The following NFASC variants were observed in gnomAD, a reference collection of about 807,000 sequenced individuals.
NFASC encodes the protein neurofascin, also known as neurofascin homolog.
In NFASC, 43 loss-of-function variants were observed where a neutral mutation model predicts 147.5. That is an observed-to-expected ratio of 0.29 (90% CI 0.23 to 0.38). The LOEUF (loss-of-function observed/expected upper bound fraction) is 0.38. NFASC is among the 10% of genes least tolerant of loss of function. NFASC has a pLI of 1.00. For synonymous variants in NFASC, 622 were observed against 665.5 expected (o/e 0.93, Z 1.01); for missense variants, 1,320 against 1,689.0 (o/e 0.78, Z 3.83).
chr1:204,861,105 T>TTG (rs2076627670), intron 1 of NFASC, among the ~76,000 whole-genome samples: 1 of 136,288 alleles, frequency 7.3e-6, no homozygotes, highest in Admixed American at 7.5e-5. Context: ...TTTTTTTTTT[T>TTG]GGAGACAAGA....
At chr1:204,974,993 A>G (rs1428814991) in intron 14 of NFASC, among the ~76,000 whole-genome samples, 170 bp downstream of exon 14, 2 of 152,192 alleles carry the variant, frequency 1.3e-5, no homozygotes, top group East Asian at 1.9e-4. Context: ...TGGTCCAAAG[A>G]GAATTAGGAA....
At chr1:204,991,836 C>T (rs1000646678) in intron 24 of NFASC, among the ~76,000 whole-genome samples, 2 of 152,244 alleles carry the variant, frequency 1.3e-5, no homozygotes, top group Non-Finnish European at 1.5e-5. Context: ...GGGCTCTGCT[C>T]AGTGAGAACA....
intron 1 of NFASC, among the ~76,000 whole-genome samples, chr1:204,897,740 AT>A (rs532197893): frequency 3.3e-4 from 48 of 144,718 alleles, no homozygotes; most frequent in Admixed American, 6.8e-4. Context: ...TGCTCAGCTA[AT>A]TTTTTTTTGG....
chr1:204,843,507 A>G (rs1675963463), intron 1 of NFASC, among the ~76,000 whole-genome samples: 1 of 151,658 alleles, frequency 6.6e-6, no homozygotes, highest in Admixed American at 6.6e-5. Context: ...TTTTTGCTCC[A>G]AATCATTTGT....
At chr1:204,969,939 G>A (rs569433036) in intron 10 of NFASC, among the ~76,000 whole-genome samples, 62 of 152,188 alleles carry the variant, frequency 4.1e-4, no homozygotes, top group African/African-American at 1.5e-3. Flanking sequence ...AGCTGGGCGT[G>A]GTGGGACATG....
At position 204,954,423 on chromosome 1, in the gene NFASC, G is replaced by A. The variant is rs1345223458; in HGVS notation, c.412+39G>A. On this transcript the variant is annotated intron_variant, in intron 6 of 29. Coordinates refer to ENST00000339876, the MANE Select transcript of NFASC (RefSeq NM_001005388.3). The surrounding 1 kb of genome is among the most constrained non-coding windows in gnomAD (Gnocchi z 5.7). ...GGCAGGGCTGAAATGCCCTGCTCCT[G>A]GGTAAATGGAGAGTGGGGGGTGTGG... is the stretch of plus-strand genomic sequence containing the variant. 1 of 1,588,410 alleles carries A rather than the reference G, an allele frequency of 6.3e-7. No individual in the cohort carries two copies. The highest frequency in any genetic ancestry group is 8.6e-7 in the Non-Finnish European group (1 of 1,162,464).
Position 204,935,521 on chromosome 1 carries a change from A to G in NFASC, c.-90-8705A>G, listed in dbSNP as rs1260931176. Among the ~76,000 whole-genome samples the G allele has an allele frequency of 4.6e-5, 7 of 152,314 alleles. No individual in the cohort carries two copies. The East Asian group carries it at 1.3e-3, about 29-fold the overall frequency. ...AGCTTTCCTGGTCAGTTCTGAGTAG[A>G]AAGTGGCAGCAAGAAATAGGGGAGC... is the stretch of plus-strand genomic sequence containing the variant. On this transcript the variant is annotated intron_variant, in intron 2 of 29. Coordinates refer to ENST00000339876, the MANE Select transcript of NFASC (RefSeq NM_001005388.3).
chr1:204,985,043 T>C (rs1189411206), intron 21 of NFASC, among the ~76,000 whole-genome samples: 1 of 152,200 alleles, frequency 6.6e-6, no homozygotes, highest in Non-Finnish European at 1.5e-5. Context: ...TTGAATGAGC[T>C]CTTCCCCACA....
rs534770924 is a variant in NFASC at position 204,973,484 on chromosome 1, T to C, written c.1279+65T>C. 2.5e-6 allele frequency: 4 copies of C among 1,581,876 alleles called. No homozygotes were observed. In the South Asian group the frequency reaches 4.6e-5, roughly 18 times the overall value. ...ACTACTGCACAGTCGCCCTGGGGCT[T>C]GGTTATGTCGTGGGGCACACTTTCT... On this transcript the variant is annotated intron_variant, in intron 12 of 29. Transcript: ENST00000339876.
rs1188931626 is a variant in NFASC, at chr1:205,021,301, A to T, written c.*4762A>T. On this transcript the variant is annotated 3_prime_UTR_variant, in exon 30 of 30. Transcript: ENST00000339876. ...CTTCCTGAGACACATTCAGAGAAGG[A>T]TCAGAGAGAAAGGAGAACCATCCAG... 1 of 152,616 alleles carries T rather than the reference A, an allele frequency of 6.6e-6. No homozygotes were observed. The highest frequency in any genetic ancestry group is 1.5e-5 in the Non-Finnish European group (1 of 68,046). The allele number at this position is 152,616 out of a possible 1,614,324, so 9.5% of individuals were successfully genotyped here. A position where few individuals can be genotyped will look rare whatever the true frequency, so the allele number is the denominator to read the frequency against.
chr1:204,914,198 A>G (rs1280708638), intron 1 of NFASC, among the ~76,000 whole-genome samples: 1 of 152,208 alleles, frequency 6.6e-6, no homozygotes, highest in Non-Finnish European at 1.5e-5. Flanking sequence ...ATGGGCAAAT[A>G]ATAGGAATAT....
intron 1 of NFASC, among the ~76,000 whole-genome samples, chr1:204,875,735 T>C: frequency 6.6e-6 from 1 of 152,132 alleles, no homozygotes; most frequent in South Asian, 2.1e-4. Flanking sequence ...AGTGACATGG[T>C]AATGGCCCTA....
intron 17 of NFASC, among the ~76,000 whole-genome samples, chr1:204,978,043 T>C (rs547853114): frequency 6.6e-6 from 1 of 152,240 alleles, no homozygotes; most frequent in Non-Finnish European, 1.5e-5. Context: ...TTGCAGGGAA[T>C]GCGAAAGCCT....
chr1:204,996,292 G>A lies in NFASC; in HGVS notation c.2783-878G>A, dbSNP rs74363633. ...TATGCAGAAAAGAAGCCCAGCATGC[G>A]CCTCACTCTGCCTGGGACTCCTCTG... On this transcript the variant is annotated intron_variant, in intron 24 of 29. Coordinates refer to ENST00000339876, the MANE Select transcript of NFASC (RefSeq NM_001005388.3). Among the ~76,000 whole-genome samples, 1,038 of 152,228 alleles carry A rather than the reference G, an allele frequency of 6.8e-3. 12 individuals are homozygous for A. Among genetic ancestry groups the A allele is most frequent in the African/African-American group, 0.023 (967 of 41,520 alleles).
At chr1:204,852,712 T>G (rs2075802319) in intron 1 of NFASC, among the ~76,000 whole-genome samples, 1 of 152,146 alleles carries the variant, frequency 6.6e-6, no homozygotes, top group South Asian at 2.1e-4. Flanking sequence ...CCAGCTGAGT[T>G]TTCTTTGGCA....
chr1:204,858,522 G>T (rs113113154), intron 1 of NFASC, among the ~76,000 whole-genome samples: 11 of 152,152 alleles, frequency 7.2e-5, no homozygotes, highest in African/African-American at 2.7e-4. Context: ...TGGGGACTTC[G>T]GGGAGGTGGG....
chr1:204,980,516 C>T, intron 20 of NFASC, 76 bp downstream of exon 20: 8 of 1,090,812 alleles, frequency 7.3e-6, no homozygotes, highest in Non-Finnish European at 1.1e-5. Flanking sequence ...CTTGATGCCC[C>T]GACACTACGA....
At chr1:204,881,485 T>C (rs1005347970) in intron 1 of NFASC, among the ~76,000 whole-genome samples, 5 of 152,206 alleles carry the variant, frequency 3.3e-5, no homozygotes, top group African/African-American at 1.2e-4. Flanking sequence ...TGGAGCTCAT[T>C]TCTGGGTTGG....
intron 2 of NFASC, among the ~76,000 whole-genome samples, chr1:204,927,496 G>T (rs1049401323): frequency 6.6e-6 from 1 of 152,118 alleles, no homozygotes; most frequent in African/African-American, 2.4e-5. Flanking sequence ...GTCTGTGTTT[G>T]ACCTTTTGAA....
Sources: gnomAD v4.1 joint callset for allele counts (sites outside exome capture counted in the v4.1 genomes callset) on GRCh38, gnomAD v4.1.1 for gene constraint, Gnocchi (gnomAD v3.1) non-coding constraint, MANE v1.5 for transcripts, NCBI Gene and HGNC (gene_info 2026-07-23, HGNC 2026-07-21) for gene names.